NCSTN: variants seen among roughly 807,000 people sequenced by gnomAD.
The protein encoded by NCSTN is anterior pharynx-defective 2.
A neutral mutation model predicts 87.0 loss-of-function variants in NCSTN; 22 were observed. The observed-to-expected ratio is 0.25, with a 90% CI of 0.18 to 0.36. The LOEUF (loss-of-function observed/expected upper bound fraction) is 0.36. Ranked by LOEUF, NCSTN falls within the 10% of genes least tolerant of loss-of-function variation. The pLI is 1.00. For synonymous variants in NCSTN, 306 were observed against 327.1 expected, an observed-to-expected ratio of 0.94 and a Z score of 0.69; for missense variants, 693 against 883.3, an observed-to-expected ratio of 0.78 and a Z score of 2.73.
chr1:160,358,454 C>T lies in NCSTN; in HGVS notation c.*183C>T, dbSNP rs199708242. ...AATAAATAAATTGCCTCCCTTCCTC[C>T]GCTCCCCTTTCCCATCACCCCTTCC... On this transcript the variant is annotated 3_prime_UTR_variant, in exon 17 of 17. Coordinates refer to ENST00000294785, the MANE Select transcript of NCSTN (RefSeq NM_015331.3). 28 of 765,490 alleles carry T rather than the reference C, an allele frequency of 3.7e-5. No homozygotes were observed. The highest frequency in any genetic ancestry group is 1.9e-4 in the South Asian group (12 of 63,672). 47.4% of individuals were successfully genotyped at this position (765,490 alleles called of 1,614,324 possible). A position where few individuals can be genotyped will look rare whatever the true frequency, so the allele number is the denominator to read the frequency against.
chr1:160,355,583 G>T, intron 11 of NCSTN, 72 bp from the exon 12 acceptor site: 1 of 1,072,566 alleles, frequency 9.3e-7, no homozygotes. Flanking sequence ...CCTGCATAAG[G>T]AGCATTTGAG....
In NCSTN at chr1:160,354,004, T is replaced by C. The variant is rs1204135308; in HGVS notation, c.1180-114T>C. 5.3e-6 allele frequency: 6 copies of C among 1,136,960 alleles called. No individual in the cohort carries two copies. In the East Asian group the frequency reaches 7.6e-5, roughly 14 times the overall value. 70.4% of individuals were successfully genotyped at this position (1,136,960 alleles called of 1,614,324 possible). On this transcript the variant is annotated intron_variant, in intron 10 of 16. Coordinates refer to ENST00000294785, the MANE Select transcript of NCSTN (RefSeq NM_015331.3). ...TTGAGGGATAAAGGTCTACTAGAGA[T>C]AGGGTAGCTCCCCAAGCAGGGAACT...
intron 1 of NCSTN, 188 bp downstream of exon 1, chr1:160,343,669 C>T (rs745323097): frequency 1.4e-6 from 1 of 723,920 alleles, no homozygotes; most frequent in Non-Finnish European, 2.5e-6. Context: ...CCTTCTCCCC[C>T]GCAGCACGTC....
chr1:160,346,756 C>T (rs912118827), intron 2 of NCSTN, among the ~76,000 whole-genome samples: 11 of 152,308 alleles, frequency 7.2e-5, no homozygotes. Flanking sequence ...CAGGCGCGTG[C>T]CACCGTGCCC....
Position 160,343,443 on chromosome 1 carries a change from G to GTC in NCSTN, c.50_51dup (p.Leu18SerfsTer11). 6.2e-7 allele frequency: 1 copy of GTC among 1,612,276 alleles called. No homozygotes were observed. Among genetic ancestry groups the GTC allele is most frequent in the Non-Finnish European group, 8.5e-7 (1 of 1,179,546 alleles). On this transcript the variant is annotated frameshift_variant, in exon 1 of 17. Coordinates refer to ENST00000294785, the MANE Select transcript of NCSTN (RefSeq NM_015331.3). LOFTEE classifies it high-confidence loss of function. ...TCTGGGGCTGACCCGGGAAGTCGGGGTCTCCTTCGCCTTCTGTCTTTCTGC... is the reference window on the plus strand; with the variant it reads ...TCTGGGGCTGACCCGGGAAGTCGGGGTCTCTCCTTCGCCTTCTGTCTTTCTGC...
chr1:160,354,389 C>T (rs570611823), intron 11 of NCSTN, 99 bp downstream of exon 11: 1 of 1,285,830 alleles, frequency 7.8e-7, no homozygotes, highest in South Asian at 1.2e-5. Context: ...CACACTACCC[C>T]CTCCAGAACT....
At chr1:160,347,445 C>T (rs1363587576) in intron 2 of NCSTN, among the ~76,000 whole-genome samples, 1 of 152,156 alleles carries the variant, frequency 6.6e-6, no homozygotes, top group Admixed American at 6.5e-5. Flanking sequence ...CGTCTGTCCC[C>T]ACAGTATGAG....
Position 160,355,893 on chromosome 1 carries a change from C to T in NCSTN, c.1486C>T (p.Arg496Cys), listed in dbSNP as rs1288965293. Residue 496 changes from arginine to cysteine, a missense_variant, in exon 13 of 17, where the codon CGT becomes TGT. Around this residue, in one of 4 missense-constraint regions of NCSTN, gnomAD observed 216 missense variants for 311.7 expected, o/e 0.69. Transcript: ENST00000294785. ...GGCAGATGTGGCCACGGTGCTGGGACGTGCTCTGTATGAGCTTGCAGGAGG... is the reference window on the plus strand; with the variant it reads ...GGCAGATGTGGCCACGGTGCTGGGATGTGCTCTGTATGAGCTTGCAGGAGG... ...ALADVATVLG[R>C]ALYELAGGTN... is the part of the protein sequence containing the mutation. 5 of 1,614,208 alleles carry T rather than the reference C, an allele frequency of 3.1e-6. No homozygotes were observed. The highest frequency in any genetic ancestry group is 3.4e-6 in the Non-Finnish European group (4 of 1,180,026).
Position 160,354,155 on chromosome 1 carries a change from C to G in NCSTN, c.1217C>G (p.Ala406Gly). 6.2e-7 allele frequency: 1 copy of G among 1,614,192 alleles called. No homozygotes were observed. Residue 406 changes from alanine to glycine, a missense_variant, in exon 11 of 17, where the codon GCT becomes GGT. This residue lies in a region of NCSTN where 108 missense variants were observed against 111.6 expected (regional missense o/e 0.97). Coordinates refer to ENST00000294785, the MANE Select transcript of NCSTN (RefSeq NM_015331.3). ...CTGGCCACATTGGAGAAGAGTGGTGCTGGTGTCCCTGCTGTCATCCTCAGG... is the reference window on the plus strand; with the variant it reads ...CTGGCCACATTGGAGAAGAGTGGTGGTGGTGTCCCTGCTGTCATCCTCAGG... ...DLLATLEKSG[A>G]GVPAVILRRP...
intron 2 of NCSTN, 89 bp from the exon 3 acceptor site, chr1:160,348,910 T>G: frequency 6.4e-7 from 1 of 1,572,210 alleles, no homozygotes; most frequent in Non-Finnish European, 8.7e-7. Flanking sequence ...TGTGACATCT[T>G]TAGGGGATAA....
In NCSTN at chr1:160,351,716, T is replaced by A. The variant is rs1421419152; in HGVS notation, c.754T>A (p.Ser252Thr). 2 of 1,609,292 alleles carry A rather than the reference T, an allele frequency of 1.2e-6. No homozygotes were observed. Among genetic ancestry groups the A allele is most frequent in the Non-Finnish European group, 1.7e-6 (2 of 1,175,662 alleles). Residue 252 changes from serine to threonine, a missense_variant, in exon 7 of 17, where the codon TCT becomes ACT. This residue lies in a region of NCSTN where 134 missense variants were observed against 226.0 expected (regional missense o/e 0.59). Coordinates refer to ENST00000294785, the MANE Select transcript of NCSTN (RefSeq NM_015331.3). ...CTTAGAAATCGTCTGTGACCCCCTG[T>A]CTGATTACAATGTGTGGAGCATGCT... ...INPEIVCDPL[S>T]DYNVWSMLKP...
chr1:160,343,552 C>G, intron 1 of NCSTN, 71 bp downstream of exon 1: 1 of 1,406,410 alleles, frequency 7.1e-7, no homozygotes, highest in Non-Finnish European at 9.9e-7. Flanking sequence ...GCGACCGCCA[C>G]TGTCTCCCTT....
intron 1 of NCSTN, 30 bp downstream of exon 1, chr1:160,343,511 C>A (rs749262755): frequency 1.9e-6 from 3 of 1,576,736 alleles, no homozygotes; most frequent in South Asian, 1.2e-5. Flanking sequence ...GAGCTCCGTT[C>A]TCTAAGGGGA....
chr1:160,348,924 A>G (rs997160152), intron 2 of NCSTN, 75 bp from the exon 3 acceptor site: 2 of 1,596,128 alleles, frequency 1.3e-6, no homozygotes, highest in Non-Finnish European at 1.7e-6. Flanking sequence ...GGGATAAAAG[A>G]TACGCAGAAT....
chr1:160,349,188 C>G, intron 3 of NCSTN, 66 bp downstream of exon 3: 1 of 1,602,910 alleles, frequency 6.2e-7, no homozygotes, highest in Non-Finnish European at 8.5e-7. Flanking sequence ...ACAGTCCTCA[C>G]ACTTATTAGT....
intron 2 of NCSTN, among the ~76,000 whole-genome samples, chr1:160,346,980 GTC>G (rs1485764234): frequency 6.6e-6 from 1 of 152,240 alleles, no homozygotes; most frequent in Admixed American, 6.5e-5. Flanking sequence ...CAGACTGCTG[GTC>G]TTGCTGGAAC....
chr1:160,345,095 A>G, intron 2 of NCSTN: 1 of 533,144 alleles, frequency 1.9e-6, no homozygotes, highest in Non-Finnish European at 3.4e-6. Context: ...CACTTTATAA[A>G]TGATGAAACT....
At position 160,348,981 on chromosome 1, in the gene NCSTN, C is replaced by T. The variant is rs201978323; in HGVS notation, c.191-18C>T. The stretch of plus-strand genomic sequence containing the variant: ...GTTAACTATGGGAGCTTTAATTTGA[C>T]TCATTCTGTCCTGGCAGCTTCAATT... On this transcript the variant is annotated intron_variant, in intron 2 of 16. Transcript: ENST00000294785. 1 of 1,614,180 alleles carries T rather than the reference C, an allele frequency of 6.2e-7. No individual in the cohort carries two copies. Among genetic ancestry groups the T allele is most frequent in the Non-Finnish European group, 8.5e-7 (1 of 1,180,002 alleles).
chr1:160,352,056 G>A lies in NCSTN; in HGVS notation c.846G>A (p.Leu282=). The change falls in exon 8 of 17, where the codon CTG becomes CTA. Residue 282 remains leucine, a splice_region_variant and synonymous_variant. Transcript: ENST00000294785. ...DDRVVVAATR[L]DSRSFFWNVA... The stretch of plus-strand genomic sequence containing the variant: ...GACTTTTCTTCTGTTGTACCTAGCT[G>A]GATAGTCGTTCCTTTTTCTGGAATG... 6.2e-7 allele frequency: 1 copy of A among 1,614,148 alleles called. No individual in the cohort carries two copies.
Sources: allele counts gnomAD v4.1 joint callset (sites outside exome capture counted in the v4.1 genomes callset), GRCh38; gene constraint gnomAD v4.1.1; regional missense constraint gnomAD v4.1.1; transcripts MANE v1.5; gene names NCBI Gene and HGNC (gene_info 2026-07-23, HGNC 2026-07-21).